The following CDH13 variants were observed in gnomAD, a reference collection of about 807,000 sequenced individuals.
CDH13 encodes the protein cadherin 13.
In CDH13, 24 loss-of-function variants were observed where a neutral mutation model predicts 63.8. The observed-to-expected ratio is 0.38, with a 90% CI of 0.27 to 0.53. The LOEUF (loss-of-function observed/expected upper bound fraction) is 0.53, where lower values mean the gene tolerates loss of function less well. Ranked by LOEUF, CDH13 falls within the 20% of genes least tolerant of loss-of-function variation. The pLI, the probability that CDH13 is intolerant of heterozygous loss-of-function variation, is 0.85. For synonymous variants in CDH13, 503 were observed against 355.3 expected, an observed-to-expected ratio of 1.42 and a Z score of -4.67; for missense variants, 1,049 against 903.1, an observed-to-expected ratio of 1.16 and a Z score of -2.07.
intron 5 of CDH13, among the ~76,000 whole-genome samples, chr16:83,230,650 G>A (rs749552353): frequency 2.6e-5 from 4 of 152,176 alleles, no homozygotes; most frequent in African/African-American, 9.7e-5. Context: ...AGCTGGGCGT[G>A]GTGGCAAGCG....
intron 13 of CDH13, among the ~76,000 whole-genome samples, chr16:83,792,384 A>G (rs1916331582): frequency 6.6e-6 from 1 of 152,240 alleles, no homozygotes; most frequent in Non-Finnish European, 1.5e-5. Context: ...AAATTGACTT[A>G]AAACAGGAAT....
At chr16:83,357,257 C>G (rs1287216166) in intron 6 of CDH13, among the ~76,000 whole-genome samples, 2 of 152,134 alleles carry the variant, frequency 1.3e-5, no homozygotes, top group Non-Finnish European at 2.9e-5. Context: ...TGAAGAGGTT[C>G]TATGCTTGTT....
At chr16:83,495,527 A>G (rs1248204791) in intron 7 of CDH13, among the ~76,000 whole-genome samples, 1 of 152,226 alleles carries the variant, frequency 6.6e-6, no homozygotes, top group African/African-American at 2.4e-5. Flanking sequence ...TCTCTCTTGG[A>G]TCAAGAAAAA....
intron 7 of CDH13, among the ~76,000 whole-genome samples, chr16:83,524,355 A>T (rs2074907358): frequency 6.6e-6 from 1 of 151,694 alleles, no homozygotes; most frequent in Non-Finnish European, 1.5e-5. Flanking sequence ...TGGGTTCTTT[A>T]CAATTGTAGG....
chr16:83,251,287 C>A (rs901337473), intron 5 of CDH13, among the ~76,000 whole-genome samples: 3 of 152,068 alleles, frequency 2.0e-5, no homozygotes, highest in Admixed American at 6.5e-5. Flanking sequence ...AGAAAAAGCT[C>A]TATTTAAGTG....
At chr16:82,999,278 G>T (rs942796491) in intron 2 of CDH13, among the ~76,000 whole-genome samples, 1 of 151,930 alleles carries the variant, frequency 6.6e-6, no homozygotes, top group Non-Finnish European at 1.5e-5. Flanking sequence ...CAGTCCCAAA[G>T]CTCCTATGGC....
At chr16:83,447,032 A>T (rs1317814072) in intron 6 of CDH13, among the ~76,000 whole-genome samples, 1 of 115,836 alleles carries the variant, frequency 8.6e-6, no homozygotes, top group South Asian at 3.2e-4. Context: ...TAGACTTACC[A>T]CCACCACTGG....
At chr16:83,415,236 A>G (rs1243939895) in intron 6 of CDH13, among the ~76,000 whole-genome samples, 1 of 152,184 alleles carries the variant, frequency 6.6e-6, no homozygotes, top group Non-Finnish European at 1.5e-5. Context: ...TCGTGAAGAA[A>G]TAGAAAGTCC....
intron 1 of CDH13, among the ~76,000 whole-genome samples, chr16:82,816,770 G>A (rs931851321): frequency 1.1e-4 from 15 of 131,924 alleles, no homozygotes; most frequent in East Asian, 4.9e-4. Context: ...CATCACCGTC[G>A]TCACCATCAT....
intron 1 of CDH13, among the ~76,000 whole-genome samples, chr16:82,838,562 T>C (rs2038870567): frequency 6.6e-6 from 1 of 152,248 alleles, no homozygotes. Context: ...ATCATGAAGA[T>C]GCTCATTGCT....
chr16:83,346,140 A>G (rs928850640), intron 6 of CDH13, among the ~76,000 whole-genome samples: 13 of 152,186 alleles, frequency 8.5e-5, no homozygotes, highest in Non-Finnish European at 1.9e-4. Flanking sequence ...GCGCTCCGTA[A>G]AAATGAAAGC....
intron 1 of CDH13, among the ~76,000 whole-genome samples, chr16:82,772,870 T>C (rs144706704): frequency 9.8e-5 from 15 of 152,292 alleles, no homozygotes; most frequent in African/African-American, 3.6e-4. Flanking sequence ...CCACTTCCTA[T>C]GGACTGAGTA....
At chr16:82,867,589 G>A (rs1293212569) in intron 2 of CDH13, among the ~76,000 whole-genome samples, 1 of 152,188 alleles carries the variant, frequency 6.6e-6, no homozygotes, top group Non-Finnish European at 1.5e-5. Context: ...CCTCCATGGA[G>A]TGTGTGGAAT....
At chr16:83,761,161 G>T (rs539781157) in intron 11 of CDH13, among the ~76,000 whole-genome samples, 1 of 152,312 alleles carries the variant, frequency 6.6e-6, no homozygotes, top group East Asian at 1.9e-4. Context: ...GATGTCAAAA[G>T]AGCAGGACTG....
intron 5 of CDH13, among the ~76,000 whole-genome samples, chr16:83,229,137 AG>A (rs1567523120): frequency 2.0e-5 from 3 of 152,220 alleles, no homozygotes; most frequent in Non-Finnish European, 4.4e-5. Flanking sequence ...TCAGCCTCAG[AG>A]GGTTCTCAGG....
intron 4 of CDH13, among the ~76,000 whole-genome samples, chr16:83,202,066 G>A (rs777812834): frequency 6.6e-6 from 1 of 152,120 alleles, no homozygotes; most frequent in African/African-American, 2.4e-5. Flanking sequence ...CTTTGCCAAG[G>A]TCTCTGCTAA....
intron 8 of CDH13, among the ~76,000 whole-genome samples, chr16:83,603,841 C>G (rs1908079436): frequency 6.6e-6 from 1 of 152,110 alleles, no homozygotes. Context: ...GTACAGGGAT[C>G]CTGGCTGGGG....
chr16:82,847,655 T>C (rs903875917), intron 1 of CDH13, among the ~76,000 whole-genome samples: 4 of 152,212 alleles, frequency 2.6e-5, no homozygotes, highest in African/African-American at 9.6e-5. Context: ...TCTAACATAT[T>C]CACAGGTCCT....
At chr16:83,044,187 C>A (rs1917577547) in intron 3 of CDH13, among the ~76,000 whole-genome samples, 2 of 152,274 alleles carry the variant, frequency 1.3e-5, no homozygotes, top group Middle Eastern at 3.4e-3. Context: ...AGCTCAGGCT[C>A]AGAAAAGTTA....
Sources: allele counts gnomAD v4.1 joint callset (sites outside exome capture counted in the v4.1 genomes callset), GRCh38; gene constraint gnomAD v4.1.1; transcripts MANE v1.5; gene names NCBI Gene and HGNC (gene_info 2026-07-23, HGNC 2026-07-21).